CTDSPL: variants seen among roughly 807,000 people sequenced by gnomAD.
CTDSPL encodes CTD small phosphatase like.
A neutral mutation model predicts 30.5 loss-of-function variants in CTDSPL; 8 were observed. The observed-to-expected ratio is 0.26, with a 90% confidence interval of 0.15 to 0.47. The LOEUF is 0.47. Ranked by LOEUF, CTDSPL falls within the 20% of genes least tolerant of loss-of-function variation. The probability of loss-of-function intolerance (pLI) is 0.99; values close to 1 mark genes in which losing one functional copy is unlikely to be tolerated. For missense variants in CTDSPL, 248 were observed against 366.1 expected (o/e 0.68, Z 2.63); for synonymous variants, 110 against 137.9 (o/e 0.80, Z 1.42).
chr3:37,904,509 C>G (rs546795207), intron 1 of CTDSPL, among the ~76,000 whole-genome samples: 1 of 152,116 alleles, frequency 6.6e-6, no homozygotes, highest in Non-Finnish European at 1.5e-5. Flanking sequence ...ATGGGGGCAC[C>G]TGTCAAGGGC....
At chr3:37,908,156 A>G (rs1413971068) in intron 1 of CTDSPL, among the ~76,000 whole-genome samples, 1 of 152,244 alleles carries the variant, frequency 6.6e-6, no homozygotes, top group Non-Finnish European at 1.5e-5. Context: ...TAGAAACCAC[A>G]TGAAAGAAGG....
At chr3:37,865,772 C>T (rs1350309317) in intron 1 of CTDSPL, among the ~76,000 whole-genome samples, 1 of 152,148 alleles carries the variant, frequency 6.6e-6, no homozygotes, top group African/African-American at 2.4e-5. Flanking sequence ...GAGTGCCAGT[C>T]TTGTGTATTC....
At chr3:37,898,279 C>G (rs1281623966) in intron 1 of CTDSPL, among the ~76,000 whole-genome samples, 1 of 152,132 alleles carries the variant, frequency 6.6e-6, no homozygotes, top group Non-Finnish European at 1.5e-5. Flanking sequence ...AAAGGTACTT[C>G]TTCGTGTTAG....
chr3:37,885,497 G>A (rs1407694829), intron 1 of CTDSPL, among the ~76,000 whole-genome samples: 2 of 152,162 alleles, frequency 1.3e-5, no homozygotes, highest in East Asian at 1.9e-4. Flanking sequence ...CTCAGGGAAG[G>A]CTTGATGAAG....
intron 7 of CTDSPL, among the ~76,000 whole-genome samples, chr3:37,976,563 C>T (rs796728904): frequency 8.0e-5 from 12 of 150,024 alleles, no homozygotes; most frequent in Admixed American, 2.0e-4. Context: ...ACCCGGGAGG[C>T]GGAGGTTGCA....
chr3:37,967,181 C>A (rs1256160769), intron 4 of CTDSPL, among the ~76,000 whole-genome samples: 1 of 152,194 alleles, frequency 6.6e-6, no homozygotes, highest in Non-Finnish European at 1.5e-5. Context: ...CCTGGGAGGG[C>A]CTGAAATCAC....
chr3:37,965,147 C>G (rs1465514905), intron 4 of CTDSPL, among the ~76,000 whole-genome samples: 33 of 152,210 alleles, frequency 2.2e-4, no homozygotes, highest in Non-Finnish European at 1.5e-5. Context: ...TTCCAGACTT[C>G]AGGGCATCTG....
Position 37,872,564 on chromosome 3 carries a change from TC to T in CTDSPL, c.79+10287del, listed in dbSNP as rs374790650. 4.3e-4 allele frequency among the ~76,000 whole-genome samples: 60 copies of T among 139,824 alleles called. No homozygotes were observed. In the Middle Eastern group the frequency reaches 0.011, roughly 26 times the overall value. The allele number at this position is 139,824 out of a possible 152,430, so 91.7% of individuals were successfully genotyped here. ...CTTTTTTTTTTTTTTTTTTTTAAAT[TC>T]TTTTATCTTTTTTTTTTTTTTTTTT... On this transcript the variant is annotated intron_variant, in intron 1 of 7. Coordinates refer to ENST00000273179, the MANE Select transcript of CTDSPL (RefSeq NM_001008392.2).
At chr3:37,886,910 T>G (rs1022046635) in intron 1 of CTDSPL, among the ~76,000 whole-genome samples, 1 of 152,224 alleles carries the variant, frequency 6.6e-6, no homozygotes, top group African/African-American at 2.4e-5. Context: ...TGGATGATCC[T>G]GACACAGGGA....
chr3:37,966,806 TC>T (rs1699304164), intron 4 of CTDSPL, among the ~76,000 whole-genome samples: 1 of 152,078 alleles, frequency 6.6e-6, no homozygotes, highest in Non-Finnish European at 1.5e-5. Context: ...CGGTTCAGAG[TC>T]TGACCAGATG....
chr3:37,906,804 T>C (rs1043820468), intron 1 of CTDSPL, among the ~76,000 whole-genome samples: 2 of 152,222 alleles, frequency 1.3e-5, no homozygotes, highest in African/African-American at 4.8e-5. Flanking sequence ...CTGCCACTCC[T>C]TTCTGCCTTT....
At chr3:37,945,793 A>G (rs971243418) in intron 1 of CTDSPL, among the ~76,000 whole-genome samples, 2 of 152,192 alleles carry the variant, frequency 1.3e-5, no homozygotes, top group Admixed American at 1.3e-4. Flanking sequence ...GAAACCATTC[A>G]TATCTGTGGA....
intron 1 of CTDSPL, among the ~76,000 whole-genome samples, chr3:37,945,150 C>G (rs1366633657): frequency 6.7e-6 from 1 of 149,906 alleles, no homozygotes; most frequent in African/African-American, 2.4e-5. Context: ...TTTTTTCCCC[C>G]TGACTAAATT....
intron 1 of CTDSPL, among the ~76,000 whole-genome samples, chr3:37,889,690 C>G (rs1698302919): frequency 6.6e-6 from 1 of 152,092 alleles, no homozygotes; most frequent in Non-Finnish European, 1.5e-5. Context: ...AAAAAATTAG[C>G]CACACCTAGG....
chr3:37,886,998 A>G (rs1698270009), intron 1 of CTDSPL, among the ~76,000 whole-genome samples: 1 of 152,162 alleles, frequency 6.6e-6, no homozygotes, highest in Non-Finnish European at 1.5e-5. Context: ...GCTCACTGAT[A>G]TCATCCCTGT....
At chr3:37,957,203 C>T in intron 3 of CTDSPL, 60 bp downstream of exon 3, 1 of 1,213,608 alleles carries the variant, frequency 8.2e-7, no homozygotes, top group Non-Finnish European at 1.2e-6. Flanking sequence ...TGGCTTTGGG[C>T]CTACTTATAT....
At chr3:37,958,466 A>G (rs1699199897) in intron 3 of CTDSPL, among the ~76,000 whole-genome samples, 1 of 152,228 alleles carries the variant, frequency 6.6e-6, no homozygotes, top group Admixed American at 6.5e-5. Flanking sequence ...AGAGGTACCT[A>G]CATTAAATGA....
intron 1 of CTDSPL, among the ~76,000 whole-genome samples, chr3:37,917,185 G>A (rs1458340729): frequency 6.6e-6 from 1 of 152,198 alleles, no homozygotes; most frequent in Non-Finnish European, 1.5e-5. Flanking sequence ...ACCTGGGTAA[G>A]GGTGGGAGCA....
chr3:37,899,729 C>T (rs745893668), intron 1 of CTDSPL, among the ~76,000 whole-genome samples: 3 of 152,184 alleles, frequency 2.0e-5, no homozygotes, highest in Non-Finnish European at 2.9e-5. Context: ...GTCCCAAAGA[C>T]TCTTCAATTG....
Sources: gnomAD v4.1 joint callset for allele counts (sites outside exome capture counted in the v4.1 genomes callset) on GRCh38, gnomAD v4.1.1 for gene constraint, MANE v1.5 for transcripts, NCBI Gene and HGNC (gene_info 2026-07-23, HGNC 2026-07-21) for gene names.